Variants in MAP3K5 observed in about 807,000 individuals in gnomAD.
The protein encoded by MAP3K5 is mitogen-activated protein kinase kinase kinase 5, also known as ASK-1.
Under a neutral mutation model 158.7 loss-of-function variants are expected in MAP3K5, and 56 were observed. The ratio of observed to expected loss-of-function variants is 0.35; its 90% CI spans 0.28 to 0.44. The LOEUF is 0.44. MAP3K5 is among the 20% of genes least tolerant of loss of function. The pLI, the probability that MAP3K5 is intolerant of heterozygous loss-of-function variation, is 1.00. For missense variants in MAP3K5, 1,294 were observed against 1,674.8 expected (o/e 0.77, Z 3.97); for synonymous variants, 579 against 601.7 (o/e 0.96, Z 0.55).
At chr6:136,628,568 T>A (rs537367788) in intron 14 of MAP3K5, among the ~76,000 whole-genome samples, 1 of 152,308 alleles carries the variant, frequency 6.6e-6, no homozygotes, top group South Asian at 2.1e-4. Context: ...GAAGAATACA[T>A]AAACCTTGAT....
At chr6:136,624,147 T>C (rs1038759687) in intron 14 of MAP3K5, among the ~76,000 whole-genome samples, 3 of 152,012 alleles carry the variant, frequency 2.0e-5, no homozygotes, top group African/African-American at 7.3e-5. Flanking sequence ...TGAGCTGAGA[T>C]GGCGACACTG....
At chr6:136,627,328 C>T (rs1339257115) in intron 14 of MAP3K5, among the ~76,000 whole-genome samples, 2 of 152,154 alleles carry the variant, frequency 1.3e-5, no homozygotes, top group African/African-American at 4.8e-5. Flanking sequence ...GCTCCATTCC[C>T]CAATTTATTC....
At chr6:136,663,585 T>A (rs1779099466) in intron 8 of MAP3K5, among the ~76,000 whole-genome samples, 1 of 151,744 alleles carries the variant, frequency 6.6e-6, no homozygotes, top group Admixed American at 6.6e-5. Flanking sequence ...GCATTTAGTT[T>A]TTATGTCTCT....
chr6:136,589,124 T>C (rs1446185352), intron 23 of MAP3K5, among the ~76,000 whole-genome samples: 1 of 152,214 alleles, frequency 6.6e-6, no homozygotes, highest in African/African-American at 2.4e-5. Context: ...TGAGATTGTT[T>C]ACTAAGAGCC....
intron 16 of MAP3K5, 104 bp downstream of exon 16, chr6:136,614,055 A>C (rs1776456865): frequency 1.6e-6 from 2 of 1,285,056 alleles, no homozygotes; most frequent in Non-Finnish European, 1.1e-6. Context: ...TTTTTCTTTC[A>C]GTTTAGACAG....
intron 14 of MAP3K5, among the ~76,000 whole-genome samples, chr6:136,631,068 C>T (rs1341035263): frequency 1.3e-5 from 2 of 152,190 alleles, no homozygotes; most frequent in African/African-American, 4.8e-5. Context: ...CACTGCACTC[C>T]AGCCTGGGGG....
At chr6:136,659,166 A>G (rs1028882926) in intron 9 of MAP3K5, 53 bp downstream of exon 9, 1 of 1,411,968 alleles carries the variant, frequency 7.1e-7, no homozygotes, top group African/African-American at 1.4e-5. Context: ...ATAATATGGG[A>G]ACAATATGGA....
chr6:136,630,533 T>A (rs753675003), intron 14 of MAP3K5, among the ~76,000 whole-genome samples: 1 of 152,224 alleles, frequency 6.6e-6, no homozygotes, highest in Non-Finnish European at 1.5e-5. Flanking sequence ...AAAAACCTTA[T>A]CTAAATTTCT....
chr6:136,613,836 T>C lies in MAP3K5; in HGVS notation c.2278+323A>G, dbSNP rs1231602764. ...ATGTAATGACTTTGGGTAGAAGATG[T>C]TGCCACCCTGTTAGTCTTCAGCTTA... On this transcript the variant is annotated intron_variant, in intron 16 of 29. Transcript: ENST00000359015. The surrounding 1 kb of genome is among the most constrained non-coding windows in gnomAD (Gnocchi z 4.0). Among the ~76,000 whole-genome samples the C allele has an allele frequency of 6.6e-6, 1 of 152,190 alleles. No homozygotes were observed. Among genetic ancestry groups the C allele is most frequent in the Non-Finnish European group, 1.5e-5 (1 of 68,028 alleles).
intron 1 of MAP3K5, among the ~76,000 whole-genome samples, chr6:136,741,480 C>A: frequency 6.8e-6 from 1 of 146,804 alleles, no homozygotes; most frequent in African/African-American, 2.5e-5. Flanking sequence ...GCAGTCAAAT[C>A]AAAATAATAA....
chr6:136,753,497 A>T (rs11154884), intron 1 of MAP3K5, among the ~76,000 whole-genome samples: 54,512 of 149,910 alleles, frequency 0.36, 11,884 homozygotes, highest in Non-Finnish European at 0.48. Flanking sequence ...CACAGATAGT[A>T]TTTTTTTTTT....
intron 1 of MAP3K5, among the ~76,000 whole-genome samples, chr6:136,778,189 C>T (rs968151786): frequency 6.6e-6 from 1 of 151,912 alleles, no homozygotes; most frequent in African/African-American, 2.4e-5. Context: ...TATAAGAGAT[C>T]TGAAAGGTTT....
Position 136,592,585 on chromosome 6 carries a change from G to A in MAP3K5, c.2908C>T (p.Pro970Ser), listed in dbSNP as rs1377418014. Residue 970 changes from proline (P) to serine (S), a missense_variant, in exon 22 of 30, where the codon CCT (proline) becomes TCT (serine). Pro to Ser is a moderately conservative substitution (Grantham distance 74). Around this residue, in one of 5 missense-constraint regions of MAP3K5, gnomAD observed 362 missense variants for 463.2 expected, o/e 0.78. Transcript: ENST00000359015. ...CTGCTGGTGTCCTCCACCAGCACAGGTACCGGCAAGGATATACTCCTGAGA... is the reference window on the plus strand; with the variant it reads ...CTGCTGGTGTCCTCCACCAGCACAGATACCGGCAAGGATATACTCCTGAGA... ...EYLRSISLPV[P>S]VLVEDTSSSS... 1 of 1,613,922 alleles carries A rather than the reference G, an allele frequency of 6.2e-7. No individual in the cohort carries two copies. Among genetic ancestry groups the A allele is most frequent in the Non-Finnish European group, 8.5e-7 (1 of 1,179,986 alleles).
chr6:136,741,216 T>C (rs1782692963), intron 1 of MAP3K5, among the ~76,000 whole-genome samples: 1 of 152,182 alleles, frequency 6.6e-6, no homozygotes, highest in Non-Finnish European at 1.5e-5. Flanking sequence ...TAAATATACA[T>C]ATTAAAATGA....
rs1457661516 is a variant in MAP3K5 at position 136,656,581 on chromosome 6, T to G, written c.1527-121A>C. 6.4e-6 allele frequency: 4 copies of G among 628,096 alleles called. No individual in the cohort carries two copies. In the East Asian group the frequency reaches 8.1e-5, roughly 13 times the overall value. The allele number at this position is 628,096 out of a possible 1,614,324, so 38.9% of individuals were successfully genotyped here. On this transcript the variant is annotated intron_variant, in intron 9 of 29. Coordinates refer to ENST00000359015, the MANE Select transcript of MAP3K5 (RefSeq NM_005923.4). ...GACATTAATAGTTATGCATTCAGATTCACCGTTATTCGTTATTTGTTGCAT... is the reference window on the plus strand; with the variant it reads ...GACATTAATAGTTATGCATTCAGATGCACCGTTATTCGTTATTTGTTGCAT...
intron 1 of MAP3K5, among the ~76,000 whole-genome samples, chr6:136,726,578 G>A (rs1781975698): frequency 6.6e-6 from 1 of 151,822 alleles, no homozygotes; most frequent in South Asian, 2.1e-4. Flanking sequence ...GGGTGACAGA[G>A]CAAGACTCTG....
At chr6:136,730,603 T>C (rs1782180049) in intron 1 of MAP3K5, among the ~76,000 whole-genome samples, 1 of 151,084 alleles carries the variant, frequency 6.6e-6, no homozygotes, top group Non-Finnish European at 1.5e-5. Context: ...ATGCCTGTAG[T>C]CCCAGCTACT....
chr6:136,745,364 C>G (rs1204582002), intron 1 of MAP3K5, among the ~76,000 whole-genome samples: 1 of 151,996 alleles, frequency 6.6e-6, no homozygotes, highest in Non-Finnish European at 1.5e-5. Flanking sequence ...TCTCAACACA[C>G]GAATACACTT....
intron 1 of MAP3K5, among the ~76,000 whole-genome samples, chr6:136,784,624 C>T (rs1784762594): frequency 6.6e-6 from 1 of 152,142 alleles, no homozygotes; most frequent in Non-Finnish European, 1.5e-5. Context: ...TCACGTGAAG[C>T]AGTGGCTGAA....
Sources: gnomAD v4.1 joint callset for allele counts (sites outside exome capture counted in the v4.1 genomes callset) on GRCh38, gnomAD v4.1.1 for gene constraint, gnomAD v4.1.1 regional missense constraint, Gnocchi (gnomAD v3.1) non-coding constraint, MANE v1.5 for transcripts, NCBI Gene and HGNC (gene_info 2026-07-23, HGNC 2026-07-21) for gene names.